Variants in PGM5 observed in about 807,000 individuals in gnomAD.
The protein encoded by PGM5 is phosphoglucomutase-like protein 5.
In PGM5, 23 loss-of-function variants were observed where a neutral mutation model predicts 59.2. The ratio of observed to expected loss-of-function variants is 0.39; its 90% CI spans 0.28 to 0.55. PGM5 has a LOEUF of 0.55. Among genes scored for constraint, PGM5 ranks in the 20% least tolerant of loss-of-function variants. PGM5 has a pLI of 0.66. For missense variants in PGM5, 574 were observed against 748.3 expected, an observed-to-expected ratio of 0.77 and a Z score of 2.72; for synonymous variants, 214 against 286.0, an observed-to-expected ratio of 0.75 and a Z score of 2.54.
At chr9:68,381,970 A>G (rs1300720400) in intron 2 of PGM5, among the ~76,000 whole-genome samples, 2 of 152,002 alleles carry the variant, frequency 1.3e-5, no homozygotes, top group African/African-American at 4.8e-5. Context: ...AAAACAATAT[A>G]CAGATTTAAC....
intron 6 of PGM5, among the ~76,000 whole-genome samples, chr9:68,447,990 A>G (rs1179121224): frequency 7.9e-5 from 12 of 152,206 alleles, no homozygotes; most frequent in African/African-American, 2.9e-4. Context: ...AGAAAAAGAA[A>G]GGGTTTGTTG....
chr9:68,363,081 G>C (rs1168852209), intron 1 of PGM5, among the ~76,000 whole-genome samples: 4 of 151,558 alleles, frequency 2.6e-5, no homozygotes, highest in African/African-American at 9.7e-5. Context: ...TGTCGGCCAG[G>C]CTGGTCTTGA....
At chr9:68,358,769 TA>T (rs1189749946) in intron 1 of PGM5, among the ~76,000 whole-genome samples, 1 of 152,122 alleles carries the variant, frequency 6.6e-6, no homozygotes, top group Admixed American at 6.5e-5. Flanking sequence ...AAAAACATAA[TA>T]AAACGCAATT....
Position 68,384,466 on chromosome 9 carries a change from T to A in PGM5, c.493T>A (p.Cys165Ser). 1.2e-6 allele frequency: 2 copies of A among 1,603,818 alleles called. No individual in the cohort carries two copies. The highest frequency in any genetic ancestry group is 1.7e-6 in the Non-Finnish European group (2 of 1,171,070). ...CAAAACGATTGAGGAATATGCTATA[T>A]GTCCTGATCTCCGAATCGACCTATC... is the stretch of plus-strand genomic sequence containing the variant. ...ISKTIEEYAI[C>S]PDLRIDLSRL... The change falls in exon 3 of 11, where the codon TGT becomes AGT. Residue 165 changes from cysteine to serine, a missense_variant. Around this residue, in one of 7 missense-constraint regions of PGM5, gnomAD observed 103 missense variants for 112.4 expected, o/e 0.92. Transcript: ENST00000396396.
At chr9:68,479,631 G>A in intron 8 of PGM5, 78 bp downstream of exon 8, 1 of 1,476,408 alleles carries the variant, frequency 6.8e-7, no homozygotes, top group African/African-American at 1.4e-5. Context: ...TGATGGGCTA[G>A]AACCTTAAAA....
At chr9:68,381,524 C>T (rs1398614336) in intron 2 of PGM5, among the ~76,000 whole-genome samples, 5 of 151,634 alleles carry the variant, frequency 3.3e-5, no homozygotes, top group Non-Finnish European at 7.4e-5. Flanking sequence ...CTAGCAAGAG[C>T]AATCAGACAA....
chr9:68,465,014 A>G (rs1386711895), intron 6 of PGM5, 79 bp from the exon 7 acceptor site: 1 of 852,050 alleles, frequency 1.2e-6, no homozygotes, highest in East Asian at 2.5e-5. Context: ...AGTAGATCCT[A>G]AAGACTTCCT....
intron 8 of PGM5, 38 bp from the exon 9 acceptor site, chr9:68,483,827 C>G: frequency 6.3e-7 from 1 of 1,595,852 alleles, no homozygotes; most frequent in Non-Finnish European, 8.6e-7. Flanking sequence ...GTTGCTGGTT[C>G]TCTGATTAGG....
chr9:68,468,077 C>T (rs1823964022), intron 7 of PGM5, among the ~76,000 whole-genome samples: 1 of 146,826 alleles, frequency 6.8e-6, no homozygotes, highest in South Asian at 2.1e-4. Flanking sequence ...ATGTTTGTTA[C>T]ATGAGCAAAC....
chr9:68,405,564 G>T (rs570796635), intron 6 of PGM5, among the ~76,000 whole-genome samples: 1 of 152,428 alleles, frequency 6.6e-6, no homozygotes, highest in South Asian at 2.1e-4. Flanking sequence ...GTAGCCATCT[G>T]TCCTTCTTTC....
chr9:68,367,035 G>T (rs1563981431), intron 1 of PGM5, among the ~76,000 whole-genome samples: 1 of 151,976 alleles, frequency 6.6e-6, no homozygotes, highest in Non-Finnish European at 1.5e-5. Flanking sequence ...TAAGGCTGAG[G>T]TGGCGACTGT....
At chr9:68,495,207 C>T (rs1186580228) in intron 9 of PGM5, among the ~76,000 whole-genome samples, 1 of 152,144 alleles carries the variant, frequency 6.6e-6, no homozygotes, top group Admixed American at 6.5e-5. Context: ...CTTGTTTCTT[C>T]AAGACTTGTG....
Position 68,462,887 on chromosome 9 carries a change from G to A in PGM5, c.1044-2206G>A, listed in dbSNP as rs192525204. ...TTATTCTGACCTTCCATAGCCTTCT[G>A]ACCATGAAAATAATGTTATTATAAA... On this transcript the variant is annotated intron_variant, in intron 6 of 10. Coordinates refer to ENST00000396396, the MANE Select transcript of PGM5 (RefSeq NM_021965.4). Among the ~76,000 whole-genome samples, 381 of 152,120 alleles carry A rather than the reference G, an allele frequency of 2.5e-3. 2 individuals carry two copies. The highest frequency in any genetic ancestry group is 8.8e-3 in the African/African-American group (363 of 41,480).
intron 6 of PGM5, among the ~76,000 whole-genome samples, chr9:68,433,196 C>T (rs944462202): frequency 2.0e-4 from 31 of 152,136 alleles, no homozygotes; most frequent in African/African-American, 5.8e-4. Flanking sequence ...ACCCTTTGTC[C>T]CAAAAGTCAG....
At chr9:68,528,402 A>C (rs1825022900) in intron 10 of PGM5, among the ~76,000 whole-genome samples, 1 of 152,030 alleles carries the variant, frequency 6.6e-6, no homozygotes, top group Non-Finnish European at 1.5e-5. Context: ...ACACCACTGC[A>C]CTCAGCTAAT....
At chr9:68,368,782 A>G (rs2131980532) in intron 1 of PGM5, among the ~76,000 whole-genome samples, 1 of 152,264 alleles carries the variant, frequency 6.6e-6, no homozygotes, top group East Asian at 1.9e-4. Flanking sequence ...AGCTGGGACT[A>G]CAGGTGCACG....
chr9:68,447,714 A>G (rs1341600354), intron 6 of PGM5, among the ~76,000 whole-genome samples: 2 of 152,148 alleles, frequency 1.3e-5, no homozygotes, highest in African/African-American at 4.8e-5. Context: ...CTTTTTATAA[A>G]CAATTTTTTA....
chr9:68,423,762 C>A (rs1377783227), intron 6 of PGM5, among the ~76,000 whole-genome samples: 1 of 151,996 alleles, frequency 6.6e-6, no homozygotes, highest in Non-Finnish European at 1.5e-5. Context: ...CAGAGACATC[C>A]CTCAAATACT....
intron 9 of PGM5, among the ~76,000 whole-genome samples, chr9:68,487,681 T>TA (rs34771779): frequency 6.3e-4 from 95 of 151,052 alleles, no homozygotes; most frequent in South Asian, 4.2e-3. Context: ...TCTACTTACT[T>TA]AAAAAAAAAG....
Sources: gnomAD v4.1 joint callset for allele counts (sites outside exome capture counted in the v4.1 genomes callset) on GRCh38, gnomAD v4.1.1 for gene constraint, gnomAD v4.1.1 regional missense constraint, MANE v1.5 for transcripts, NCBI Gene and HGNC (gene_info 2026-07-23, HGNC 2026-07-21) for gene names.